Variants in PPFIBP1 observed in about 807,000 individuals in gnomAD.
PPFIBP1 encodes liprin-beta-1.
A neutral mutation model predicts 137.8 loss-of-function variants in PPFIBP1; 112 were observed. The ratio of observed to expected loss-of-function variants is 0.81; its 90% confidence interval spans 0.70 to 0.95. PPFIBP1 has a LOEUF of 0.95. PPFIBP1 is among the 40% of genes least tolerant of loss of function. The pLI is 0.00. For missense variants in PPFIBP1, 1,083 were observed against 1,196.6 expected (o/e 0.91, Z 1.40); for synonymous variants, 378 against 417.3 (o/e 0.91, Z 1.15).
chr12:27,683,572 T>G (rs1008808533), intron 24 of PPFIBP1, among the ~76,000 whole-genome samples: 1 of 152,156 alleles, frequency 6.6e-6, no homozygotes, highest in African/African-American at 2.4e-5. Context: ...CAGCAGGAGT[T>G]ACTGGGGTTA....
chr12:27,563,946 C>T (rs2049410082), intron 1 of PPFIBP1, among the ~76,000 whole-genome samples: 1 of 151,276 alleles, frequency 6.6e-6, no homozygotes, highest in South Asian at 2.1e-4. Context: ...GATCTTGGCT[C>T]ACTGCAACCC....
intron 2 of PPFIBP1, among the ~76,000 whole-genome samples, chr12:27,627,604 C>G (rs1334635356): frequency 6.6e-6 from 1 of 152,132 alleles, no homozygotes; most frequent in Non-Finnish European, 1.5e-5. Context: ...TTCTTATGGC[C>G]TTTCTTTTCT....
chr12:27,626,786 C>T (rs1479567014), intron 2 of PPFIBP1, among the ~76,000 whole-genome samples: 7 of 151,858 alleles, frequency 4.6e-5, no homozygotes, highest in Admixed American at 6.6e-5. Flanking sequence ...GGCTGGTCTC[C>T]GACTCCTGAC....
chr12:27,557,163 G>A (rs2048763094), intron 1 of PPFIBP1, among the ~76,000 whole-genome samples: 1 of 151,834 alleles, frequency 6.6e-6, no homozygotes, highest in Non-Finnish European at 1.5e-5. Flanking sequence ...AATTAGTGAA[G>A]AACAAGATTT....
chr12:27,553,971 C>T (rs1317013953), intron 1 of PPFIBP1, among the ~76,000 whole-genome samples: 1 of 151,080 alleles, frequency 6.6e-6, no homozygotes, highest in African/African-American at 2.4e-5. Context: ...CCTGCTGTCT[C>T]ACAGAATTGA....
intron 18 of PPFIBP1, 124 bp downstream of exon 18, chr12:27,676,723 C>G: frequency 9.2e-7 from 1 of 1,091,596 alleles, no homozygotes; most frequent in African/African-American, 1.6e-5. Flanking sequence ...AGGTGAATGA[C>G]TTAGGGGAAT....
intron 24 of PPFIBP1, among the ~76,000 whole-genome samples, chr12:27,682,921 T>C (rs1229324711): frequency 6.6e-6 from 1 of 152,088 alleles, no homozygotes; most frequent in Non-Finnish European, 1.5e-5. Flanking sequence ...GAAACCCCAA[T>C]GTAAGCTAAG....
intron 2 of PPFIBP1, among the ~76,000 whole-genome samples, chr12:27,629,374 A>T (rs1178271059): frequency 6.6e-6 from 1 of 152,176 alleles, no homozygotes; most frequent in African/African-American, 2.4e-5. Flanking sequence ...CTCAATCAAG[A>T]TACTGACCAG....
chr12:27,579,957 G>A (rs1200746048), intron 2 of PPFIBP1, among the ~76,000 whole-genome samples: 2 of 152,190 alleles, frequency 1.3e-5, no homozygotes, highest in Non-Finnish European at 2.9e-5. Context: ...TCCTGGCAGA[G>A]AAGGGTTTTG....
At chr12:27,529,166 C>T (rs1047640875) in intron 1 of PPFIBP1, among the ~76,000 whole-genome samples, 1 of 152,208 alleles carries the variant, frequency 6.6e-6, no homozygotes, top group Admixed American at 6.5e-5. Flanking sequence ...AGATCAAGTA[C>T]CACCATCACG....
rs185715501 is a variant in PPFIBP1, at chr12:27,539,618, C to T, written c.-124+15253C>T. ...TCCCCACTGTTTACTGCCTTACCTG[C>T]CTATCTGTGGGAGTAGAAGGGTGGA... On this transcript the variant is annotated intron_variant, in intron 1 of 29. Transcript: ENST00000228425. 1.2e-4 allele frequency among the ~76,000 whole-genome samples: 19 copies of T among 152,210 alleles called. No homozygotes were observed. In the East Asian group the frequency reaches 2.9e-3, roughly 23 times the overall value.
intron 10 of PPFIBP1, 88 bp downstream of exon 10, chr12:27,658,936 C>T (rs1298427654): frequency 5.2e-6 from 7 of 1,341,464 alleles, no homozygotes; most frequent in African/African-American, 3.0e-5. Flanking sequence ...AAACATTTCT[C>T]TCACCAAAGA....
At chr12:27,679,391 C>G (rs1473536010) in intron 19 of PPFIBP1, 98 bp from the exon 20 acceptor site, 3 of 1,204,586 alleles carry the variant, frequency 2.5e-6, no homozygotes, top group Non-Finnish European at 3.5e-6. Context: ...GATTATAGAC[C>G]AACAGAAGAA....
intron 27 of PPFIBP1, 119 bp downstream of exon 27, chr12:27,689,322 A>T: frequency 2.4e-6 from 2 of 839,792 alleles, no homozygotes; most frequent in Non-Finnish European, 3.5e-6. Context: ...CCTTACCAGC[A>T]GATGCAGGAA....
At chr12:27,592,756 G>T in intron 2 of PPFIBP1, 1 of 878,192 alleles carries the variant, frequency 1.1e-6, no homozygotes, top group Non-Finnish European at 1.9e-6. Context: ...CATCTGCCAA[G>T]AAAATAAAGA....
At chr12:27,586,171 G>A (rs1396240590) in intron 2 of PPFIBP1, among the ~76,000 whole-genome samples, 1 of 152,182 alleles carries the variant, frequency 6.6e-6, no homozygotes, top group African/African-American at 2.4e-5. Flanking sequence ...GCACAGAGAA[G>A]TTAAGTAACT....
intron 14 of PPFIBP1, among the ~76,000 whole-genome samples, chr12:27,672,142 T>A (rs1278453810): frequency 3.3e-5 from 5 of 152,130 alleles, no homozygotes; most frequent in Admixed American, 6.5e-5. Context: ...GTCAAAGGAT[T>A]GTAAACTAAA....
intron 24 of PPFIBP1, among the ~76,000 whole-genome samples, chr12:27,686,141 T>C (rs2061189403): frequency 6.6e-6 from 1 of 152,186 alleles, no homozygotes; most frequent in Admixed American, 6.5e-5. Flanking sequence ...CTTAAGACAC[T>C]ACTTTTAAGG....
chr12:27,682,497 T>C lies in PPFIBP1; in HGVS notation c.2157T>C (p.Thr719=). The change falls in exon 23 of 30, where the codon ACT becomes ACC. Residue 719 remains threonine (T), a splice_region_variant and synonymous_variant. Transcript: ENST00000228425. ...GGAAGCTGGATTTCAACTGGGTCACTAGTAAGAAGTTTTTATTCTAACAAA... is the reference window on the plus strand; with the variant it reads ...GGAAGCTGGATTTCAACTGGGTCACCAGTAAGAAGTTTTTATTCTAACAAA... ...NHGKLDFNWV[T]RWLDDIGLPQ... 2 of 1,611,588 alleles carry C rather than the reference T, an allele frequency of 1.2e-6. No individual in the cohort carries two copies. Among genetic ancestry groups the C allele is most frequent in the Non-Finnish European group, 1.7e-6 (2 of 1,177,948 alleles).
Sources: allele counts gnomAD v4.1 joint callset (sites outside exome capture counted in the v4.1 genomes callset), GRCh38; gene constraint gnomAD v4.1.1; transcripts MANE v1.5; gene names NCBI Gene and HGNC (gene_info 2026-07-23, HGNC 2026-07-21).